Variants in LSAMP observed in about 807,000 individuals in gnomAD.
LSAMP encodes the protein limbic system-associated membrane protein.
LSAMP carries 7 observed loss-of-function variants against 38.6 expected under a neutral mutation model. That is an observed-to-expected ratio of 0.18 (90% confidence interval 0.10 to 0.34). LSAMP has a LOEUF of 0.34. Among genes scored for constraint, LSAMP ranks in the 10% least tolerant of loss-of-function variants. LSAMP has a pLI of 1.00. For missense variants in LSAMP, 313 were observed against 420.0 expected (o/e 0.75, Z 2.23); for synonymous variants, 154 against 166.8 (o/e 0.92, Z 0.59).
intron 1 of LSAMP, among the ~76,000 whole-genome samples, chr3:116,409,658 T>C (rs1037781665): frequency 1.3e-5 from 2 of 152,156 alleles, no homozygotes; most frequent in Admixed American, 1.3e-4. Context: ...TATTAACGTA[T>C]AAATACAAGG....
intron 1 of LSAMP, among the ~76,000 whole-genome samples, chr3:116,110,679 T>C (rs1199039712): frequency 6.6e-6 from 1 of 152,154 alleles, no homozygotes; most frequent in Non-Finnish European, 1.5e-5. Context: ...GAGATATTTC[T>C]TGGGCTGGTC....
chr3:116,032,205 A>G (rs1940942953), intron 2 of LSAMP, among the ~76,000 whole-genome samples: 1 of 152,204 alleles, frequency 6.6e-6, no homozygotes, highest in Non-Finnish European at 1.5e-5. Flanking sequence ...TAGAAAAGTG[A>G]GAAGAAATAA....
chr3:116,407,648 A>AAC (rs2048914143), intron 1 of LSAMP, among the ~76,000 whole-genome samples: 1 of 152,110 alleles, frequency 6.6e-6, no homozygotes, highest in African/African-American at 2.4e-5. Context: ...GTTATTGTTC[A>AAC]TGTAGCAATC....
chr3:116,131,533 G>C (rs1477268509), intron 1 of LSAMP, among the ~76,000 whole-genome samples: 1 of 151,500 alleles, frequency 6.6e-6, no homozygotes, highest in East Asian at 1.9e-4. Flanking sequence ...GCAAGGCCTG[G>C]AGCTTCTGCA....
chr3:116,254,245 A>G (rs974348850), intron 1 of LSAMP, among the ~76,000 whole-genome samples: 1 of 152,186 alleles, frequency 6.6e-6, no homozygotes, highest in African/African-American at 2.4e-5. Context: ...CTGTCCACAA[A>G]TTAGAGCTGC....
intron 3 of LSAMP, among the ~76,000 whole-genome samples, chr3:115,929,066 G>C (rs1031887415): frequency 2.0e-5 from 3 of 147,808 alleles, no homozygotes; most frequent in Non-Finnish European, 4.4e-5. Context: ...ATTAATGTGG[G>C]CCCTAAATAT....
intron 1 of LSAMP, among the ~76,000 whole-genome samples, chr3:116,268,021 C>A (rs565226837): frequency 1.3e-5 from 2 of 152,206 alleles, no homozygotes; most frequent in Admixed American, 6.5e-5. Context: ...TATGCCAGGG[C>A]AATTCTGATA....
rs1933584633 is a variant in LSAMP, at chr3:115,804,459, T to A, written c.*5858A>T. On this transcript the variant is annotated 3_prime_UTR_variant, in exon 7 of 7. Coordinates refer to ENST00000490035, the MANE Select transcript of LSAMP (RefSeq NM_002338.5). ...AGAACCCAATTCTCCTGACTCCCAA[T>A]TCAATACACCTTCTACCTCACTTTA... 6.6e-6 allele frequency: 1 copy of A among 152,218 alleles called. No homozygotes were observed. Among genetic ancestry groups the A allele is most frequent in the Non-Finnish European group, 1.5e-5 (1 of 68,038 alleles). 9.4% of individuals were successfully genotyped at this position (152,218 alleles called of 1,614,324 possible). A position where few individuals can be genotyped will look rare whatever the true frequency, so the allele number is the denominator to read the frequency against.
Position 116,103,603 on chromosome 3 carries a change from T to C in LSAMP, c.156-17047A>G, listed in dbSNP as rs377156581. 6.1e-4 allele frequency among the ~76,000 whole-genome samples: 89 copies of C among 146,988 alleles called. No individual in the cohort carries two copies. In the South Asian group the frequency reaches 0.013, roughly 22 times the overall value. On this transcript the variant is annotated intron_variant, in intron 1 of 6. Transcript: ENST00000490035. ...ATATTCTTTGCTTTGAGGACATGAG[T>C]CAATGTAAGAAAATGGCTTATTTAT...
chr3:116,099,502 A>T lies in LSAMP; in HGVS notation c.156-12946T>A, dbSNP rs552926416. Among the ~76,000 whole-genome samples the T allele has an allele frequency of 2.4e-4, 36 of 152,306 alleles. No individual in the cohort carries two copies. In the East Asian group the frequency reaches 7.0e-3, roughly 29 times the overall value. ...CACCAGAAATTTTGTTGAAATCTTA[A>T]TATTCTGCAGGAAACTGACCTGACT... On this transcript the variant is annotated intron_variant, in intron 1 of 6. Coordinates refer to ENST00000490035, the MANE Select transcript of LSAMP (RefSeq NM_002338.5).
chr3:115,884,238 A>G (rs1258141696), intron 3 of LSAMP, among the ~76,000 whole-genome samples: 1 of 152,042 alleles, frequency 6.6e-6, no homozygotes, highest in Non-Finnish European at 1.5e-5. Context: ...AAAGAGAATG[A>G]TTTTGGAGGC....
chr3:116,155,194 G>A (rs1709716723), intron 1 of LSAMP, among the ~76,000 whole-genome samples: 1 of 151,800 alleles, frequency 6.6e-6, no homozygotes, highest in South Asian at 2.1e-4. Context: ...ACTCTCTCAT[G>A]AGGGCAGGTA....
intron 1 of LSAMP, among the ~76,000 whole-genome samples, chr3:116,104,853 T>A (rs1264665869): frequency 6.6e-6 from 1 of 152,208 alleles, no homozygotes; most frequent in Non-Finnish European, 1.5e-5. Flanking sequence ...CTCTGTCAGA[T>A]GAAAAGTTAA....
At chr3:116,176,968 T>C (rs145073235) in intron 1 of LSAMP, among the ~76,000 whole-genome samples, 531 of 152,248 alleles carry the variant, frequency 3.5e-3, no homozygotes, top group African/African-American at 0.012. Flanking sequence ...TGTTAAGGTT[T>C]GAAAATTGTG....
intron 1 of LSAMP, among the ~76,000 whole-genome samples, chr3:116,262,105 T>C (rs1226714283): frequency 6.6e-6 from 1 of 152,038 alleles, no homozygotes; most frequent in Non-Finnish European, 1.5e-5. Context: ...CCAACCCAAA[T>C]TTGGATCGAA....
intron 3 of LSAMP, among the ~76,000 whole-genome samples, chr3:115,993,699 T>A (rs1407252922): frequency 6.6e-6 from 1 of 152,098 alleles, no homozygotes; most frequent in Admixed American, 6.6e-5. Context: ...ATAGTGGCTT[T>A]TTAAAAAAAA....
intron 1 of LSAMP, among the ~76,000 whole-genome samples, chr3:116,103,795 T>C (rs529410773): frequency 2.0e-5 from 3 of 152,220 alleles, no homozygotes; most frequent in Non-Finnish European, 2.9e-5. Context: ...GTCCCTAATT[T>C]ATTTTTTCTA....
At chr3:115,961,611 AACTG>A (rs1175185835) in intron 3 of LSAMP, among the ~76,000 whole-genome samples, 3 of 152,214 alleles carry the variant, frequency 2.0e-5, no homozygotes, top group Non-Finnish European at 4.4e-5. Context: ...TCAGTAACTA[AACTG>A]AAAAACAGTT....
intron 1 of LSAMP, among the ~76,000 whole-genome samples, chr3:116,209,536 G>C (rs893537126): frequency 6.6e-6 from 1 of 152,084 alleles, no homozygotes; most frequent in East Asian, 1.9e-4. Context: ...AGCCAGTAAG[G>C]TTCAAATTGA....
Sources: gnomAD v4.1 joint callset for allele counts (sites outside exome capture counted in the v4.1 genomes callset) on GRCh38, gnomAD v4.1.1 for gene constraint, MANE v1.5 for transcripts, NCBI Gene and HGNC (gene_info 2026-07-23, HGNC 2026-07-21) for gene names.